Variants in STIP1 observed in about 807,000 individuals in gnomAD.
STIP1 encodes stress induced phosphoprotein 1, also known as stress-induced-phosphoprotein 1.
Under a neutral mutation model 77.4 loss-of-function variants are expected in STIP1, and 16 were observed. The ratio of observed to expected loss-of-function variants is 0.21; its 90% CI spans 0.14 to 0.31. The LOEUF (loss-of-function observed/expected upper bound fraction) is 0.31. Among genes scored for constraint, STIP1 ranks in the 10% least tolerant of loss-of-function variants. The probability of loss-of-function intolerance (pLI) is 1.00; values close to 1 mark genes in which losing one functional copy is unlikely to be tolerated. For missense variants in STIP1, 524 were observed against 684.8 expected (o/e 0.77, Z 2.62); for synonymous variants, 258 against 246.6 (o/e 1.05, Z -0.44).
intron 8 of STIP1, 71 bp from the exon 9 acceptor site, chr11:64,199,869 G>A (rs2134805136): frequency 6.3e-7 from 1 of 1,581,208 alleles, no homozygotes; most frequent in East Asian, 2.3e-5. Context: ...GGCCCCTAAT[G>A]TGATTTTTAA....
intron 10 of STIP1, 138 bp downstream of exon 10, chr11:64,200,431 T>A: frequency 7.4e-7 from 1 of 1,357,908 alleles, no homozygotes; most frequent in Non-Finnish European, 1.0e-6. Context: ...TGCCTCAGCC[T>A]CCTGAGGAGC....
Position 64,204,114 on chromosome 11 carries a change from T to C in STIP1, c.1620T>C (p.Ile540=). The change falls in exon 14 of 14, where the codon ATT becomes ATC. Residue 540 remains isoleucine, a synonymous_variant. Transcript: ENST00000305218. The stretch of plus-strand genomic sequence containing the variant: ...AGAAGCTGATGGATGTGGGTCTGAT[T>C]GCAATTCGGTGATGACTTGTTCATC... ...KIQKLMDVGL[I]AIR 6.2e-6 allele frequency: 10 copies of C among 1,614,198 alleles called. No individual in the cohort carries two copies. The highest frequency in any genetic ancestry group is 8.5e-6 in the Non-Finnish European group (10 of 1,180,024).
chr11:64,203,419 A>T, intron 12 of STIP1, 31 bp from the exon 13 acceptor site: 2 of 1,613,162 alleles, frequency 1.2e-6, no homozygotes, highest in Non-Finnish European at 1.7e-6. Context: ...TGGTCCTAAC[A>T]CGCTTCACCT....
rs1029959379 is a variant in STIP1, at chr11:64,193,074, T to A, written c.10-4T>A. On this transcript the variant is annotated splice_region_variant and splice_polypyrimidine_tract_variant and intron_variant, in intron 1 of 13. Transcript: ENST00000305218. ...AGAGAAGCTGTGTGTTCCTTTCCCC[T>A]CAGGTCAATGAGCTGAAGGAGAAAG... 6 of 1,613,968 alleles carry A rather than the reference T, an allele frequency of 3.7e-6. No homozygotes were observed. Among genetic ancestry groups the A allele is most frequent in the Non-Finnish European group, 5.1e-6 (6 of 1,179,994 alleles).
chr11:64,203,626 C>T lies in STIP1; in HGVS notation c.1559+4C>T, dbSNP rs756504852. 17 of 1,614,128 alleles carry T rather than the reference C, an allele frequency of 1.1e-5. No individual in the cohort carries two copies. The highest frequency in any genetic ancestry group is 1.6e-4 in the Middle Eastern group (1 of 6,062). ...AGGACCCCCAGGCACTCAGCGAGTA[C>T]GTAGAGTCAGAGAGGCGGCCTTGCT... On this transcript the variant is annotated splice_donor_region_variant and intron_variant, in intron 13 of 13. Coordinates refer to ENST00000305218, the MANE Select transcript of STIP1 (RefSeq NM_006819.3).
intron 1 of STIP1, chr11:64,186,530 G>T: frequency 3.3e-6 from 1 of 305,398 alleles, no homozygotes; most frequent in Non-Finnish European, 5.8e-6. Context: ...GGGTGAGTCC[G>T]GCCGGCGGCG....
chr11:64,187,658 T>G (rs1227671410), intron 1 of STIP1, among the ~76,000 whole-genome samples: 1 of 152,114 alleles, frequency 6.6e-6, no homozygotes, highest in Non-Finnish European at 1.5e-5. Flanking sequence ...TGGGCTGTAG[T>G]ATAGGTGAGG....
chr11:64,198,129 G>A (rs1016601624), intron 8 of STIP1, among the ~76,000 whole-genome samples, 155 bp downstream of exon 8: 1 of 151,384 alleles, frequency 6.6e-6, no homozygotes, highest in African/African-American at 2.4e-5. Context: ...CACAATCGTG[G>A]CTCACTGCAG....
chr11:64,199,739 A>G (rs1409656708), intron 8 of STIP1, among the ~76,000 whole-genome samples: 2 of 150,938 alleles, frequency 1.3e-5, no homozygotes, highest in Admixed American at 1.3e-4. Flanking sequence ...AATTTTTTAT[A>G]TTTTTAGTAG....
intron 1 of STIP1, among the ~76,000 whole-genome samples, chr11:64,187,862 G>A (rs893319528): frequency 8.6e-5 from 13 of 151,740 alleles, no homozygotes; most frequent in Non-Finnish European, 1.6e-4. Flanking sequence ...AAAATTAGCC[G>A]GGCGTGGTGG....
intron 5 of STIP1, among the ~76,000 whole-genome samples, chr11:64,196,090 C>T (rs1946147285): frequency 6.6e-6 from 1 of 152,002 alleles, no homozygotes; most frequent in African/African-American, 2.4e-5. Context: ...TTAGAATGGC[C>T]AGCATGTTAA....
chr11:64,190,487 G>T (rs556341176), intron 1 of STIP1, among the ~76,000 whole-genome samples: 18 of 151,884 alleles, frequency 1.2e-4, no homozygotes, highest in African/African-American at 3.4e-4. Flanking sequence ...GCTAATTTTT[G>T]TATTTGTAGT....
chr11:64,185,690 C>A, upstream of STIP1: 1 of 1,245,296 alleles, frequency 8.0e-7, no homozygotes, highest in Non-Finnish European at 1.1e-6. Flanking sequence ...ACCCCGACTG[C>A]AGCCGGTACT....
At chr11:64,186,989 G>A (rs903670420) in intron 1 of STIP1, among the ~76,000 whole-genome samples, 7 of 152,074 alleles carry the variant, frequency 4.6e-5, no homozygotes, top group African/African-American at 1.7e-4. Flanking sequence ...CCCTCTTTTT[G>A]TATGCTTGTG....
chr11:64,191,924 G>T (rs1023738764), intron 1 of STIP1, among the ~76,000 whole-genome samples: 1 of 152,118 alleles, frequency 6.6e-6, no homozygotes, highest in Admixed American at 6.5e-5. Context: ...GGGCAGAGGT[G>T]CTCCTCTCTC....
chr11:64,195,303 G>C (rs1358373979), intron 4 of STIP1, among the ~76,000 whole-genome samples: 1 of 151,882 alleles, frequency 6.6e-6, no homozygotes, highest in East Asian at 1.9e-4. Context: ...TAGTAGTAGC[G>C]GTGGGTTTCA....
upstream of STIP1, chr11:64,185,853 T>G (rs928362756): frequency 2.6e-5 from 40 of 1,535,518 alleles, no homozygotes; most frequent in Non-Finnish European, 2.4e-5. Flanking sequence ...ATGGGAGAGG[T>G]GGAAATTTCC....
chr11:64,190,691 C>CT (rs1283823160), intron 1 of STIP1, among the ~76,000 whole-genome samples: 2 of 152,194 alleles, frequency 1.3e-5, no homozygotes, highest in African/African-American at 2.4e-5. Flanking sequence ...GGTGACAACT[C>CT]TATCTCACAG....
intron 1 of STIP1, chr11:64,186,587 CTGCGGGCCATGTTGGGGAGGG>C (rs1000860760): frequency 4.0e-5 from 5 of 126,340 alleles, no homozygotes; most frequent in African/African-American, 1.5e-4. Flanking sequence ...GAGGGGGCGG[CTGCGGGCCATGTTGGGGAGGG>C]TGCGGGCCGC....
Sources: allele counts gnomAD v4.1 joint callset (sites outside exome capture counted in the v4.1 genomes callset), GRCh38; gene constraint gnomAD v4.1.1; transcripts MANE v1.5; gene names NCBI Gene and HGNC (gene_info 2026-07-23, HGNC 2026-07-21).